Variants in SLC39A8 observed in about 807,000 individuals in gnomAD.
SLC39A8 encodes metal cation symporter ZIP8.
In SLC39A8, 15 loss-of-function variants were observed where a neutral mutation model predicts 40.4. The observed-to-expected ratio is 0.37, with a 90% confidence interval of 0.25 to 0.57. SLC39A8 has a LOEUF of 0.57. SLC39A8 is among the 20% of genes least tolerant of loss of function. The pLI is 0.75. For synonymous variants in SLC39A8, 223 were observed against 221.6 expected (o/e 1.01, Z -0.06); for missense variants, 472 against 558.8 (o/e 0.84, Z 1.57).
At chr4:102,257,127 A>G (rs1164981365), downstream of SLC39A8, among the ~76,000 whole-genome samples, 1 of 152,058 alleles carries the variant, frequency 6.6e-6, no homozygotes, top group East Asian at 1.9e-4. Flanking sequence ...GGTTTATCTA[A>G]TAATAAAAAT....
At chr4:102,263,581 G>A (rs1467520018) in intron 8 of SLC39A8, among the ~76,000 whole-genome samples, 1 of 152,164 alleles carries the variant, frequency 6.6e-6, no homozygotes, top group African/African-American at 2.4e-5. Flanking sequence ...CTAAAGATGG[G>A]AGTGGCTGTG....
intron 6 of SLC39A8, among the ~76,000 whole-genome samples, chr4:102,284,554 T>C (rs546276480): frequency 6.6e-6 from 1 of 152,304 alleles, no homozygotes; most frequent in East Asian, 1.9e-4. Context: ...TAATATAGCA[T>C]CACTGATTTA....
chr4:102,259,986 C>A (rs951956661), downstream of SLC39A8, among the ~76,000 whole-genome samples: 1 of 152,134 alleles, frequency 6.6e-6, no homozygotes, highest in South Asian at 2.1e-4. Context: ...CATAGGATTT[C>A]TTCAAGGTAA....
chr4:102,317,614 G>A (rs1734720242), intron 2 of SLC39A8, among the ~76,000 whole-genome samples: 1 of 152,160 alleles, frequency 6.6e-6, no homozygotes, highest in African/African-American at 2.4e-5. Flanking sequence ...GATTCAAAAA[G>A]TAGACAGCCC....
intron 3 of SLC39A8, 139 bp from the exon 4 acceptor site, chr4:102,307,744 A>C: frequency 3.9e-6 from 3 of 774,752 alleles, no homozygotes; most frequent in Non-Finnish European, 4.2e-6. Flanking sequence ...CTACTCAATG[A>C]AAAGTATATA....
intron 8 of SLC39A8, 68 bp downstream of exon 8, chr4:102,267,422 A>G (rs1465155663): frequency 1.4e-6 from 2 of 1,418,714 alleles, no homozygotes; most frequent in African/African-American, 2.9e-5. Flanking sequence ...ACCCTTAGTT[A>G]ACTTATAATC....
intron 2 of SLC39A8, among the ~76,000 whole-genome samples, chr4:102,342,562 G>C (rs1187274730): frequency 6.6e-6 from 1 of 152,142 alleles, no homozygotes; most frequent in Non-Finnish European, 1.5e-5. Flanking sequence ...ATTTTCCTTG[G>C]CTTCCTTTTC....
At chr4:102,322,734 T>C (rs890333506) in intron 2 of SLC39A8, among the ~76,000 whole-genome samples, 1 of 152,138 alleles carries the variant, frequency 6.6e-6, no homozygotes, top group African/African-American at 2.4e-5. Flanking sequence ...TAGATTGAGA[T>C]TCTGTGGGAG....
chr4:102,337,233 CAAAAAA>C (rs34502649), intron 2 of SLC39A8, among the ~76,000 whole-genome samples: 1 of 110,038 alleles, frequency 9.1e-6, no homozygotes, highest in Non-Finnish European at 2.0e-5. Context: ...TCACTTTTCT[CAAAAAA>C]AAAAAAAAAG....
chr4:102,291,468 C>T (rs1371547128), intron 6 of SLC39A8, among the ~76,000 whole-genome samples: 1 of 152,070 alleles, frequency 6.6e-6, no homozygotes, highest in East Asian at 1.9e-4. Context: ...CCCTACCCCA[C>T]ACCAGTTCTC....
At chr4:102,256,868 A>C (rs1251401966), downstream of SLC39A8, among the ~76,000 whole-genome samples, 1 of 152,194 alleles carries the variant, frequency 6.6e-6, no homozygotes, top group East Asian at 1.9e-4. Context: ...GATTACAAAC[A>C]TGCAAGTGGG....
chr4:102,281,668 G>A (rs1011826939), intron 6 of SLC39A8, among the ~76,000 whole-genome samples: 3 of 152,060 alleles, frequency 2.0e-5, no homozygotes, highest in African/African-American at 7.2e-5. Context: ...TGCCAACAGA[G>A]AGACAAATAT....
Position 102,295,493 on chromosome 4 carries a change from C to T in SLC39A8, c.840+8824G>A, listed in dbSNP as rs17032496. On this transcript the variant is annotated intron_variant, in intron 6 of 8. Coordinates refer to ENST00000356736, the MANE Select transcript of SLC39A8 (RefSeq NM_001135146.2). ...TTGTACCTTTAAAAGCACATTCATACCTAATCTTATTTGATTATACTAGCT... is the reference window on the plus strand; with the variant it reads ...TTGTACCTTTAAAAGCACATTCATATCTAATCTTATTTGATTATACTAGCT... Among the ~76,000 whole-genome samples, 997 of 152,118 alleles carry T rather than the reference C, an allele frequency of 6.6e-3. 17 individuals carry two copies. Among genetic ancestry groups the T allele is most frequent in the African/African-American group, 0.023 (951 of 41,530 alleles).
chr4:102,254,446 A>G (rs1217475833), intron 11 of SLC39A8, among the ~76,000 whole-genome samples: 1 of 152,246 alleles, frequency 6.6e-6, no homozygotes, highest in Non-Finnish European at 1.5e-5. Flanking sequence ...ACAATGGTTT[A>G]TCATAATTTC....
Position 102,344,339 on chromosome 4 carries a change from A to G in SLC39A8, c.219+105T>C, listed in dbSNP as rs374223583. On this transcript the variant is annotated intron_variant, in intron 2 of 8. Coordinates refer to ENST00000356736, the MANE Select transcript of SLC39A8 (RefSeq NM_001135146.2). ...CCGCCTTCTACTTGAGAAATATAAC[A>G]AGATTCTTTCTCCTGCACTTTTCCC... 178 of 765,976 alleles carry G rather than the reference A, an allele frequency of 2.3e-4. No homozygotes were observed. In the African/African-American group the frequency reaches 3.1e-3, roughly 13 times the overall value. The allele number at this position is 765,976 out of a possible 1,614,324, so 47.4% of individuals were successfully genotyped here.
intron 3 of SLC39A8, 76 bp downstream of exon 3, chr4:102,315,592 A>C (rs1734617238): frequency 7.8e-7 from 1 of 1,288,522 alleles, no homozygotes; most frequent in African/African-American, 1.5e-5. Flanking sequence ...TAAAGCAGAA[A>C]AAGAGGCATA....
chr4:102,279,885 T>C lies in SLC39A8; in HGVS notation c.841-11806A>G, dbSNP rs187424076. On this transcript the variant is annotated intron_variant, in intron 6 of 8. Coordinates refer to ENST00000356736, the MANE Select transcript of SLC39A8 (RefSeq NM_001135146.2). Reference sequence around the variant, plus strand: ...ACCACATGGAGGACAAGATTGGAGGTTGATAGAGAGAAAAGTGGTAGAGTA... The same window carrying C: ...ACCACATGGAGGACAAGATTGGAGGCTGATAGAGAGAAAAGTGGTAGAGTA... Among the ~76,000 whole-genome samples, 557 of 152,162 alleles carry C rather than the reference T, an allele frequency of 3.7e-3. 4 individuals are homozygous for C. The highest frequency in any genetic ancestry group is 0.013 in the African/African-American group (524 of 41,524).
intron 6 of SLC39A8, among the ~76,000 whole-genome samples, chr4:102,301,038 C>G (rs1733902554): frequency 1.3e-5 from 2 of 151,990 alleles, no homozygotes. Context: ...AACGTCAAAA[C>G]TATTATCTCA....
intron 3 of SLC39A8, 44 bp from the exon 4 acceptor site, chr4:102,307,649 G>A (rs772615554): frequency 1.9e-6 from 3 of 1,569,412 alleles, no homozygotes; most frequent in Non-Finnish European, 2.6e-6. Context: ...ATCAGAGCAA[G>A]GAACCAAATG....
Sources: gnomAD v4.1 joint callset for allele counts (sites outside exome capture counted in the v4.1 genomes callset) on GRCh38, gnomAD v4.1.1 for gene constraint, MANE v1.5 for transcripts, NCBI Gene and HGNC (gene_info 2026-07-23, HGNC 2026-07-21) for gene names.